ABCB5: variants seen among roughly 807,000 people sequenced by gnomAD.
The protein encoded by ABCB5 is ATP binding cassette subfamily B member 5, also known as ATP-binding cassette sub-family B member 5.
A neutral mutation model predicts 144.2 loss-of-function variants in ABCB5; 155 were observed. The observed-to-expected ratio is 1.08, with a 90% CI of 0.94 to 1.23. The LOEUF is 1.23. ABCB5 is among the 50% of genes most tolerant of loss of function. The pLI is 0.00. For synonymous variants in ABCB5, 610 were observed against 528.6 expected (o/e 1.15, Z -2.11); for missense variants, 1,830 against 1,520.8 (o/e 1.20, Z -3.38).
intron 7 of ABCB5, 85 bp from the exon 8 acceptor site, chr7:20,645,671 G>C: frequency 6.7e-7 from 1 of 1,501,274 alleles, no homozygotes; most frequent in Non-Finnish European, 9.0e-7. Context: ...AGTCTACTTA[G>C]AATTCAAATT....
intron 25 of ABCB5, among the ~76,000 whole-genome samples, chr7:20,744,014 C>T (rs1782641954): frequency 1.3e-5 from 2 of 152,226 alleles, no homozygotes; most frequent in Middle Eastern, 3.4e-3. Context: ...CTCCCCACGT[C>T]ATCATGCACT....
intron 14 of ABCB5, among the ~76,000 whole-genome samples, chr7:20,669,197 T>A (rs1364325828): frequency 3.4e-5 from 5 of 146,504 alleles, no homozygotes; most frequent in Non-Finnish European, 6.0e-5. Flanking sequence ...GGAGCCCCTC[T>A]GCCCGGCCAC....
chr7:20,632,652 A>G lies in ABCB5; in HGVS notation c.314+539A>G, dbSNP rs552263821. 2.1e-4 allele frequency among the ~76,000 whole-genome samples: 32 copies of G among 152,282 alleles called. No individual in the cohort carries two copies. The East Asian group carries it at 6.2e-3, about 29-fold the overall frequency. Reference sequence around the variant, plus strand: ...ATAGACTGGATTAAGAGAATGTGGCACATACACACCATGGAATACTATGCA... The same window carrying G: ...ATAGACTGGATTAAGAGAATGTGGCGCATACACACCATGGAATACTATGCA... On this transcript the variant is annotated intron_variant, in intron 5 of 27. Coordinates refer to ENST00000404938, the MANE Select transcript of ABCB5 (RefSeq NM_001163941.2).
At chr7:20,677,634 C>G (rs34258758) in intron 14 of ABCB5, among the ~76,000 whole-genome samples, 23,507 of 152,052 alleles carry the variant, frequency 0.15, 1,969 homozygotes, top group East Asian at 0.24. Flanking sequence ...GAGGCTGAGG[C>G]AGGAGAATCG....
In ABCB5 at chr7:20,647,550, AT is replaced by A. The variant is rs1562536686; in HGVS notation, c.998del (p.Ile333ThrfsTer19). 9 of 1,578,436 alleles carry A rather than the reference AT, an allele frequency of 5.7e-6. No individual in the cohort carries two copies. The East Asian group carries it at 2.0e-4, about 36-fold the overall frequency. ...GTTCCTGTAGGTTTTCTTTAGTGTA[AT>A]CCATAGCAGTTATTGCATTGGAGCA... ...GTVLAVFFSV[I>X]HSSYCIGAAV... On this transcript the variant is annotated frameshift_variant, in exon 10 of 28. Transcript: ENST00000404938. LOFTEE classifies it high-confidence loss of function.
chr7:20,627,488 T>G (rs961870980), intron 3 of ABCB5, among the ~76,000 whole-genome samples: 1 of 152,206 alleles, frequency 6.6e-6, no homozygotes, highest in African/African-American at 2.4e-5. Context: ...AATTACATTT[T>G]AATACCATTT....
At chr7:20,702,828 A>ATTTTTTTTTTTTTTTTTT (rs5882755) in intron 19 of ABCB5, among the ~76,000 whole-genome samples, 1 of 114,120 alleles carries the variant, frequency 8.8e-6, no homozygotes. Flanking sequence ...CGCCTGGCTA[A>ATTTTTTTTTTTTTTTTTT]TTTTTTTTTT....
rs367850267 is a variant in ABCB5, at chr7:20,752,453, G to A, written c.3430-907G>A. On this transcript the variant is annotated intron_variant, in intron 26 of 27. Transcript: ENST00000404938. ...CCCTTCCATGAAGGGAAACACTGGA[G>A]AAATTGGGTTATTAGTAAGTAGGGG... Among the ~76,000 whole-genome samples the A allele has an allele frequency of 6.6e-5, 10 of 152,324 alleles. No individual in the cohort carries two copies. The East Asian group carries it at 1.5e-3, about 24-fold the overall frequency.
chr7:20,728,185 C>A, intron 22 of ABCB5, 130 bp from the exon 23 acceptor site: 1 of 1,093,646 alleles, frequency 9.1e-7, no homozygotes, highest in South Asian at 1.8e-5. Flanking sequence ...CTTTCTCTTT[C>A]ATCATTCGAA....
At chr7:20,682,977 C>G (rs1168051077) in intron 15 of ABCB5, among the ~76,000 whole-genome samples, 1 of 152,188 alleles carries the variant, frequency 6.6e-6, no homozygotes, top group African/African-American at 2.4e-5. Context: ...TCTCGCCCAG[C>G]TTTCTTCTCT....
At chr7:20,736,205 T>A (rs1782374167) in intron 23 of ABCB5, among the ~76,000 whole-genome samples, 1 of 152,146 alleles carries the variant, frequency 6.6e-6, no homozygotes, top group Non-Finnish European at 1.5e-5. Context: ...GCTTTTTTTT[T>A]CTTTTTTGTT....
At chr7:20,659,988 A>G (rs1784950138) in intron 14 of ABCB5, 1 of 985,420 alleles carries the variant, frequency 1.0e-6, no homozygotes, top group East Asian at 1.1e-4. Context: ...CCGGCCAGTT[A>G]CATAAGATTT....
At chr7:20,645,625 T>A (rs961548292) in intron 7 of ABCB5, 131 bp from the exon 8 acceptor site, 2 of 1,173,028 alleles carry the variant, frequency 1.7e-6, no homozygotes, top group Non-Finnish European at 2.3e-6. Flanking sequence ...GACAAATTTT[T>A]AAAAATACAG....
intron 3 of ABCB5, among the ~76,000 whole-genome samples, chr7:20,626,854 G>GGTGTGT (rs370537783): frequency 0.061 from 8,761 of 143,648 alleles, 446 homozygotes; most frequent in African/African-American, 0.14. Context: ...GTGTTTTTGG[G>GGTGTGT]GTGTGTGTGT....
At chr7:20,645,564 A>G (rs553216220) in intron 7 of ABCB5, among the ~76,000 whole-genome samples, 192 bp from the exon 8 acceptor site, 1 of 152,242 alleles carries the variant, frequency 6.6e-6, no homozygotes, top group Non-Finnish European at 1.5e-5. Flanking sequence ...CTAGTCACCA[A>G]TAGTGATATT....
At position 20,645,829 on chromosome 7, in the gene ABCB5, C is replaced by T; in HGVS notation, c.752C>T (p.Ser251Leu). The T allele has an allele frequency of 6.2e-7, 1 of 1,613,818 alleles. No homozygotes were observed. The highest frequency in any genetic ancestry group is 8.5e-7 in the Non-Finnish European group (1 of 1,179,776). The part of the protein sequence containing the change: ...KAGAVAEEVL[S>L]SIRTVIAFRA... ...GGGGCTGTGGCAGAAGAAGTCTTGTCATCAATCCGAACAGTCATAGCCTTT... is the reference window on the plus strand; with the variant it reads ...GGGGCTGTGGCAGAAGAAGTCTTGTTATCAATCCGAACAGTCATAGCCTTT... The change falls in exon 8 of 28, where the codon TCA becomes TTA. Residue 251 changes from serine to leucine, a missense_variant. Coordinates refer to ENST00000404938, the MANE Select transcript of ABCB5 (RefSeq NM_001163941.2).
At chr7:20,753,153 A>C (rs1257460938) in intron 26 of ABCB5, among the ~76,000 whole-genome samples, 2 of 152,236 alleles carry the variant, frequency 1.3e-5, no homozygotes, top group Non-Finnish European at 2.9e-5. Context: ...CTGTCTGATC[A>C]GATTGGATAT....
rs770544953 is a variant in ABCB5, at chr7:20,727,122, T to C, written c.2708T>C (p.Met903Thr). Residue 903 changes from methionine to threonine, a missense_variant, in exon 22 of 28, where the codon ATG becomes ACG. By Grantham distance (81) the Met-to-Thr change is moderately conservative. Transcript: ENST00000404938. ...EKAFEQMYEE[M>T]LQTQHRNTSK... ...GCCTTCGAGCAAATGTATGAAGAGA[T>C]GCTTCAGACTCAACACAGGTGATTA... The C allele has an allele frequency of 1.9e-6, 3 of 1,613,286 alleles. No homozygotes were observed. The highest frequency in any genetic ancestry group is 1.7e-5 in the Admixed American group (1 of 59,992).
intron 20 of ABCB5, among the ~76,000 whole-genome samples, chr7:20,719,365 T>C (rs550389334): frequency 6.6e-6 from 1 of 152,334 alleles, no homozygotes; most frequent in South Asian, 2.1e-4. Flanking sequence ...TCTACATATT[T>C]GAAGGTATTT....
Sources: gnomAD v4.1 joint callset for allele counts (sites outside exome capture counted in the v4.1 genomes callset) on GRCh38, gnomAD v4.1.1 for gene constraint, MANE v1.5 for transcripts, NCBI Gene and HGNC (gene_info 2026-07-23, HGNC 2026-07-21) for gene names.